Variants in ABCC1 observed in about 807,000 individuals in gnomAD.
ABCC1 encodes ATP binding cassette subfamily C member 1 (ABCC1 blood group).
ABCC1 carries 83 observed loss-of-function variants against 172.9 expected under a neutral mutation model. The observed-to-expected ratio is 0.48, with a 90% CI of 0.40 to 0.58. The LOEUF is 0.58. ABCC1 is among the 20% of genes least tolerant of loss of function. ABCC1 has a pLI of 0.00. For synonymous variants in ABCC1, 937 were observed against 825.2 expected (o/e 1.14, Z -2.32); for missense variants, 1,817 against 2,002.7 (o/e 0.91, Z 1.77).
chr16:16,009,836 A>G lies in ABCC1; in HGVS notation c.286A>G (p.Arg96Gly). 1 of 1,612,224 alleles carries G rather than the reference A, an allele frequency of 6.2e-7. No individual in the cohort carries two copies. The highest frequency in any genetic ancestry group is 1.1e-5 in the South Asian group (1 of 90,538). ...AGACCTCTTCTACTCTTTCTGGGAA[A>G]GAAGTCGGGGCATATTCCTGGCCCC... ...WADLFYSFWERSRGIFLAPVF... is the reference protein window; with the variant it reads ...WADLFYSFWEGSRGIFLAPVF... The change falls in exon 3 of 31, where the codon AGA becomes GGA. Residue 96 changes from arginine to glycine, a missense_variant. Physicochemically the swap from Arg to Gly is moderately radical, Grantham distance 125. Transcript: ENST00000399410.
rs148834444 is a variant in ABCC1 at position 15,982,803 on chromosome 16, C to CAAAAAAAAAA, written c.49-25001_49-24992dup. Among the ~76,000 whole-genome samples, 26 of 43,216 alleles carry CAAAAAAAAAA rather than the reference C, an allele frequency of 6.0e-4. 4 individuals carry two copies. Among genetic ancestry groups the CAAAAAAAAAA allele is most frequent in the African/African-American group, 1.6e-3 (19 of 11,934 alleles). 28.4% of individuals were successfully genotyped at this position (43,216 alleles called of 152,430 possible). A position where few individuals can be genotyped will look rare whatever the true frequency, so the allele number is the denominator to read the frequency against. ...TCTGGGCAACAGAGTGAGACGCTGT[C>CAAAAAAAAAA]AAAAAAAAAAAAAAAAAAAAAGGAA... is the stretch of plus-strand genomic sequence containing the variant. On this transcript the variant is annotated intron_variant, in intron 1 of 30. Coordinates refer to ENST00000399410, the MANE Select transcript of ABCC1 (RefSeq NM_004996.4).
intron 24 of ABCC1, among the ~76,000 whole-genome samples, chr16:16,122,776 C>T (rs541480472): frequency 8.2e-4 from 123 of 150,852 alleles, no homozygotes; most frequent in African/African-American, 2.9e-3. Context: ...CCTAGCTTCT[C>T]GAGAGGCTGA....
At chr16:16,061,593 C>T (rs1254282981) in intron 12 of ABCC1, among the ~76,000 whole-genome samples, 1 of 152,178 alleles carries the variant, frequency 6.6e-6, no homozygotes, top group Non-Finnish European at 1.5e-5. Flanking sequence ...AGTCACCTTG[C>T]TTCCCTCTCT....
In ABCC1 at chr16:16,004,657, C is replaced by CTT. The variant is rs66530759; in HGVS notation, c.49-3141_49-3140dup. On this transcript the variant is annotated intron_variant, in intron 1 of 30. Coordinates refer to ENST00000399410, the MANE Select transcript of ABCC1 (RefSeq NM_004996.4). The stretch of plus-strand genomic sequence containing the variant: ...GTATGTGTTGGCCTTGTAAGGTTTA[C>CTT]TTTTTTTTTTTTTTTTTTTGAGATG... Among the ~76,000 whole-genome samples, 928 of 112,116 alleles carry CTT rather than the reference C, an allele frequency of 8.3e-3. 18 individuals carry two copies. The highest frequency in any genetic ancestry group is 0.021 in the African/African-American group (646 of 30,498). The allele number at this position is 112,116 out of a possible 152,430, so 73.6% of individuals were successfully genotyped here. A position where few individuals can be genotyped will look rare whatever the true frequency, so the allele number is the denominator to read the frequency against.
At chr16:16,088,431 C>T (rs1455571750) in intron 18 of ABCC1, among the ~76,000 whole-genome samples, 3 of 152,062 alleles carry the variant, frequency 2.0e-5, no homozygotes, top group South Asian at 4.2e-4. Context: ...GGTAACAGAG[C>T]GAGACTCCGT....
At position 16,013,124 on chromosome 16, in the gene ABCC1, A is replaced by T. The variant is rs537260496; in HGVS notation, c.352-1367A>T. Among the ~76,000 whole-genome samples the T allele has an allele frequency of 3.3e-5, 5 of 152,262 alleles. No homozygotes were observed. The East Asian group carries it at 9.6e-4, about 29-fold the overall frequency. On this transcript the variant is annotated intron_variant, in intron 3 of 30. Transcript: ENST00000399410. ...AGGTGAACTGGCCTGTGAGATCCTC[A>T]GCCTCTCTTTATCTACCTGAGATCT...
At chr16:16,014,904 G>A (rs1291763127) in intron 4 of ABCC1, among the ~76,000 whole-genome samples, 6 of 152,302 alleles carry the variant, frequency 3.9e-5, no homozygotes, top group African/African-American at 1.2e-4. Context: ...GCTGTGGGCC[G>A]ATGCCAGGCT....
intron 23 of ABCC1, among the ~76,000 whole-genome samples, chr16:16,119,535 A>G (rs1032084924): frequency 3.9e-5 from 6 of 152,076 alleles, no homozygotes; most frequent in Admixed American, 3.9e-4. Context: ...TACTAAAAAT[A>G]GAAAAATTAG....
chr16:16,035,787 G>A (rs1371336825), intron 6 of ABCC1, among the ~76,000 whole-genome samples: 1 of 151,750 alleles, frequency 6.6e-6, no homozygotes, highest in Non-Finnish European at 1.5e-5. Flanking sequence ...GAGCTACCGT[G>A]CCTGGCCCAT....
intron 1 of ABCC1, among the ~76,000 whole-genome samples, chr16:15,960,376 G>A (rs1372171652): frequency 6.6e-6 from 1 of 152,012 alleles, no homozygotes; most frequent in East Asian, 1.9e-4. Context: ...AGCCTCGTGT[G>A]GTCTTTGATA....
intron 7 of ABCC1, among the ~76,000 whole-genome samples, chr16:16,043,816 G>T (rs1016097488): frequency 2.0e-5 from 3 of 152,056 alleles, no homozygotes; most frequent in African/African-American, 7.2e-5. Context: ...TGGTCAGGCT[G>T]GTCTCAAACT....
chr16:16,048,404 T>C, intron 10 of ABCC1, 101 bp downstream of exon 10: 1 of 1,342,568 alleles, frequency 7.4e-7, no homozygotes, highest in South Asian at 1.3e-5. Flanking sequence ...CATGTAGAGC[T>C]CCCTGGCAGT....
chr16:15,995,820 A>T (rs1281264968), intron 1 of ABCC1, among the ~76,000 whole-genome samples: 3 of 151,922 alleles, frequency 2.0e-5, no homozygotes, highest in African/African-American at 7.3e-5. Flanking sequence ...GGCAAACGTC[A>T]TCACATCTGG....
chr16:15,996,729 C>G (rs565865658), intron 1 of ABCC1, among the ~76,000 whole-genome samples: 2 of 152,160 alleles, frequency 1.3e-5, no homozygotes, highest in Admixed American at 6.6e-5. Flanking sequence ...GGGTGTAGGG[C>G]AAAGTTAGTG....
chr16:16,111,792 G>A lies in ABCC1; in HGVS notation c.3079+210G>A, dbSNP rs45610933. Among the ~76,000 whole-genome samples, 835 of 152,278 alleles carry A rather than the reference G, an allele frequency of 5.5e-3. 8 individuals carry two copies. Among genetic ancestry groups the A allele is most frequent in the African/African-American group, 0.019 (792 of 41,542 alleles). On this transcript the variant is annotated intron_variant, in intron 22 of 30. Transcript: ENST00000399410. The stretch of plus-strand genomic sequence containing the variant: ...GTTCATATGGGCCTTGGTGGTAGAC[G>A]GGAGGAGTGCTCCAGTGTGCCCATT...
intron 1 of ABCC1, among the ~76,000 whole-genome samples, chr16:15,995,983 T>C (rs2047041759): frequency 8.4e-6 from 1 of 118,730 alleles, no homozygotes; most frequent in South Asian, 2.7e-4. Context: ...CTAAGTTTTT[T>C]TTTTTTTTTT....
At chr16:16,055,193 G>C (rs1309895670) in intron 11 of ABCC1, among the ~76,000 whole-genome samples, 1 of 152,062 alleles carries the variant, frequency 6.6e-6, no homozygotes. Flanking sequence ...TCATGCCACT[G>C]CACTCCAGCC....
intron 1 of ABCC1, among the ~76,000 whole-genome samples, chr16:15,993,129 G>A (rs1253211658): frequency 1.3e-5 from 2 of 152,146 alleles, no homozygotes; most frequent in Non-Finnish European, 2.9e-5. Flanking sequence ...TGGACTATGA[G>A]TCTTAAGAGG....
chr16:15,971,834 T>C (rs572959242), intron 1 of ABCC1, among the ~76,000 whole-genome samples: 16 of 152,254 alleles, frequency 1.1e-4, no homozygotes, highest in Non-Finnish European at 1.5e-4. Context: ...TTCTTGGTCC[T>C]CATGCCGGTT....
Sources: allele counts gnomAD v4.1 joint callset (sites outside exome capture counted in the v4.1 genomes callset), GRCh38; gene constraint gnomAD v4.1.1; transcripts MANE v1.5; gene names NCBI Gene and HGNC (gene_info 2026-07-23, HGNC 2026-07-21).